Variants in FYN observed in about 807,000 individuals in gnomAD.
FYN encodes the protein FYN proto-oncogene, Src family tyrosine kinase, also known as tyrosine-protein kinase Fyn.
FYN carries 10 observed loss-of-function variants against 70.2 expected under a neutral mutation model. The ratio of observed to expected loss-of-function variants is 0.14; its 90% confidence interval spans 0.09 to 0.24. The LOEUF (loss-of-function observed/expected upper bound fraction) is 0.24, where lower values mean the gene tolerates loss of function less well. FYN is among the 10% of genes least tolerant of loss of function. The probability of loss-of-function intolerance (pLI) is 1.00; values close to 1 mark genes in which losing one functional copy is unlikely to be tolerated. For missense variants in FYN, 319 were observed against 673.1 expected (o/e 0.47, Z 5.82); for synonymous variants, 236 against 248.6 (o/e 0.95, Z 0.48).
At chr6:111,794,991 G>A (rs1043322889) in intron 2 of FYN, among the ~76,000 whole-genome samples, 6 of 152,074 alleles carry the variant, frequency 3.9e-5, no homozygotes, top group South Asian at 2.1e-4. Context: ...AACACAACCC[G>A]CTAAAGCACA....
intron 9 of FYN, among the ~76,000 whole-genome samples, chr6:111,697,168 C>A (rs532603065): frequency 6.6e-6 from 1 of 150,928 alleles, no homozygotes; most frequent in South Asian, 2.1e-4. Context: ...TTAAATTTAG[C>A]ATGTTAAAAA....
intron 2 of FYN, among the ~76,000 whole-genome samples, chr6:111,800,120 A>ATG (rs1344697217): frequency 1.3e-5 from 2 of 152,320 alleles, no homozygotes; most frequent in East Asian, 3.9e-4. Context: ...CAGGATCAAA[A>ATG]TGGATTCTCT....
At chr6:111,757,151 C>T (rs997500381) in intron 3 of FYN, among the ~76,000 whole-genome samples, 6 of 152,142 alleles carry the variant, frequency 3.9e-5, no homozygotes, top group East Asian at 3.8e-4. Context: ...TTTCAGCAAA[C>T]GGCTAAGTAT....
chr6:111,670,785 G>A (rs1798230774), intron 13 of FYN, among the ~76,000 whole-genome samples: 1 of 151,966 alleles, frequency 6.6e-6, no homozygotes, highest in Admixed American at 6.5e-5. Flanking sequence ...GTGGTGGGGA[G>A]GCGGGGAGAA....
At chr6:111,847,947 G>A (rs989581109) in intron 1 of FYN, among the ~76,000 whole-genome samples, 10 of 152,168 alleles carry the variant, frequency 6.6e-5, no homozygotes, top group African/African-American at 2.4e-4. Flanking sequence ...CTCTTCCTGG[G>A]TTCTGAGACA....
intron 3 of FYN, among the ~76,000 whole-genome samples, chr6:111,736,283 C>A (rs976830696): frequency 2.0e-5 from 3 of 152,166 alleles, no homozygotes; most frequent in African/African-American, 7.2e-5. Flanking sequence ...AGTTACACTT[C>A]AGTTTTGCAT....
At chr6:111,745,837 A>T (rs1802184861) in intron 3 of FYN, among the ~76,000 whole-genome samples, 1 of 152,226 alleles carries the variant, frequency 6.6e-6, no homozygotes, top group African/African-American at 2.4e-5. Context: ...AGCCCACAAT[A>T]CACTGGGGAG....
chr6:111,821,564 A>G lies in FYN; in HGVS notation c.-82+25025T>C, dbSNP rs935252646. Among the ~76,000 whole-genome samples the G allele has an allele frequency of 1.6e-4, 24 of 152,240 alleles. 1 individual carries two copies. Among genetic ancestry groups the G allele is most frequent in the Non-Finnish European group, 2.9e-5 (2 of 68,038 alleles). ...AAACCTAGGCAATACCATTCAGGAT[A>G]CAGGCATGGGTAATGACTTCATGTC... On this transcript the variant is annotated intron_variant, in intron 2 of 13. Coordinates refer to ENST00000354650, the MANE Select transcript of FYN (RefSeq NM_002037.5).
intron 3 of FYN, among the ~76,000 whole-genome samples, chr6:111,723,172 C>A (rs1317125211): frequency 6.6e-6 from 1 of 152,152 alleles, no homozygotes; most frequent in African/African-American, 2.4e-5. Context: ...AAAAAATAAT[C>A]TTTCAAAATC....
chr6:111,708,200 G>A (rs746874650), intron 5 of FYN, 180 bp from the exon 6 acceptor site: 11 of 550,958 alleles, frequency 2.0e-5, no homozygotes, highest in Non-Finnish European at 3.3e-5. Context: ...GTTCCAGTTC[G>A]AGTCAGCCAT....
At chr6:111,817,560 T>A (rs962957568) in intron 2 of FYN, among the ~76,000 whole-genome samples, 1 of 152,186 alleles carries the variant, frequency 6.6e-6, no homozygotes, top group Non-Finnish European at 1.5e-5. Flanking sequence ...ACTTTCTCTG[T>A]CCACAGCCCT....
In FYN at chr6:111,770,122, C is replaced by T. The variant is rs148396096; in HGVS notation, c.-12+10444G>A. On this transcript the variant is annotated intron_variant, in intron 3 of 13. Transcript: ENST00000354650. ...TGCCCAACACCATAGCCAGTAGCCA[C>T]ACTGGGCACATTTCAAGTGGCTTGT... Among the ~76,000 whole-genome samples, 386 of 152,300 alleles carry T rather than the reference C, an allele frequency of 2.5e-3. 2 individuals are homozygous for T. Among genetic ancestry groups the T allele is most frequent in the Non-Finnish European group, 4.0e-3 (275 of 68,022 alleles).
chr6:111,770,972 C>G (rs923788954), intron 3 of FYN, among the ~76,000 whole-genome samples: 4 of 152,264 alleles, frequency 2.6e-5, no homozygotes, highest in South Asian at 2.1e-4. Context: ...GGGTCCTCCT[C>G]AACCTCTCTG....
At chr6:111,866,812 T>A (rs1774121111) in intron 1 of FYN, among the ~76,000 whole-genome samples, 1 of 152,254 alleles carries the variant, frequency 6.6e-6, no homozygotes, top group African/African-American at 2.4e-5. Flanking sequence ...CCTGTGCCCA[T>A]GAAAAACCGC....
rs181872785 is a variant in FYN, at chr6:111,789,150, A to G, written c.-81-8515T>C. 1.2e-3 allele frequency among the ~76,000 whole-genome samples: 190 copies of G among 152,388 alleles called. 1 individual carries two copies. Among genetic ancestry groups the G allele is most frequent in the African/African-American group, 3.4e-3 (140 of 41,594 alleles). On this transcript the variant is annotated intron_variant, in intron 2 of 13. Coordinates refer to ENST00000354650, the MANE Select transcript of FYN (RefSeq NM_002037.5). ...CACAGAATGAGGGGGCAGGAAGGTC[A>G]CAAGCTGGCTGCTCCCTTCTCATTG...
rs1335592835 is a variant in FYN at position 111,660,697 on chromosome 6, T to G, written c.*1042A>C. On this transcript the variant is annotated 3_prime_UTR_variant, in exon 14 of 14. Coordinates refer to ENST00000354650, the MANE Select transcript of FYN (RefSeq NM_002037.5). Reference sequence around the variant, plus strand: ...GGAAATGTACAACCCCCACCCTCATTTCCCCCAGAAATTTTAGTTGCATGA... The same window carrying G: ...GGAAATGTACAACCCCCACCCTCATGTCCCCCAGAAATTTTAGTTGCATGA... The G allele has an allele frequency of 6.6e-6, 1 of 152,184 alleles. No individual in the cohort carries two copies. Among genetic ancestry groups the G allele is most frequent in the East Asian group, 1.9e-4 (1 of 5,202 alleles). 9.4% of individuals were successfully genotyped at this position (152,184 alleles called of 1,614,324 possible).
At chr6:111,863,151 T>C (rs1774012888) in intron 1 of FYN, among the ~76,000 whole-genome samples, 1 of 152,208 alleles carries the variant, frequency 6.6e-6, no homozygotes, top group Admixed American at 6.5e-5. Flanking sequence ...CACAGTGACA[T>C]GGATCAATAC....
At chr6:111,710,860 T>C (rs1189745540) in intron 5 of FYN, among the ~76,000 whole-genome samples, 1 of 152,250 alleles carries the variant, frequency 6.6e-6, no homozygotes, top group Non-Finnish European at 1.5e-5. Context: ...TTGTTAAAGC[T>C]GTATTTCTTT....
chr6:111,793,374 G>C (rs1365343528), intron 2 of FYN, among the ~76,000 whole-genome samples: 1 of 151,250 alleles, frequency 6.6e-6, no homozygotes, highest in Non-Finnish European at 1.5e-5. Flanking sequence ...TTCCACATTA[G>C]TTAAAAACCG....
Sources: gnomAD v4.1 joint callset for allele counts (sites outside exome capture counted in the v4.1 genomes callset) on GRCh38, gnomAD v4.1.1 for gene constraint, MANE v1.5 for transcripts, NCBI Gene and HGNC (gene_info 2026-07-23, HGNC 2026-07-21) for gene names.